B3GLCT: variants seen among roughly 807,000 people sequenced by gnomAD.
B3GLCT encodes beta 3-glucosyltransferase.
Under a neutral mutation model 63.4 loss-of-function variants are expected in B3GLCT, and 65 were observed. The observed-to-expected ratio is 1.03, with a 90% confidence interval of 0.84 to 1.26. The LOEUF is 1.26. B3GLCT is among the 50% of genes most tolerant of loss of function. The pLI, the probability that B3GLCT is intolerant of heterozygous loss-of-function variation, is 0.00. For missense variants in B3GLCT, 577 were observed against 604.8 expected, an observed-to-expected ratio of 0.95 and a Z score of 0.48; for synonymous variants, 233 against 219.2, an observed-to-expected ratio of 1.06 and a Z score of -0.55.
chr13:31,237,878 G>A (rs188482677), intron 4 of B3GLCT, among the ~76,000 whole-genome samples: 5 of 152,246 alleles, frequency 3.3e-5, no homozygotes, highest in Non-Finnish European at 7.4e-5. Context: ...ATGTCACCTG[G>A]GACCCCAACT....
chr13:31,231,380 C>G (rs770942694), intron 4 of B3GLCT, among the ~76,000 whole-genome samples: 1 of 152,164 alleles, frequency 6.6e-6, no homozygotes, highest in African/African-American at 2.4e-5. Context: ...TGCATGTGCC[C>G]CTGCTCCCAG....
intron 8 of B3GLCT, among the ~76,000 whole-genome samples, chr13:31,272,371 T>C (rs549496428): frequency 1.3e-5 from 2 of 152,064 alleles, no homozygotes; most frequent in Non-Finnish European, 2.9e-5. Context: ...CCCGCCACCA[T>C]GCCCGGCTAA....
intron 9 of B3GLCT, 123 bp from the exon 10 acceptor site, chr13:31,276,579 C>T (rs576822241): frequency 2.4e-5 from 17 of 718,872 alleles, no homozygotes; most frequent in East Asian, 1.9e-4. Flanking sequence ...AACTTTATGC[C>T]GGAAATATGT....
chr13:31,207,375 C>T (rs1367936411), intron 1 of B3GLCT, among the ~76,000 whole-genome samples: 5 of 151,814 alleles, frequency 3.3e-5, no homozygotes, highest in Non-Finnish European at 7.4e-5. Context: ...CTGACCCTTC[C>T]TATGACTTAG....
Position 31,276,691 on chromosome 13 carries a change from C to CT in B3GLCT, c.781-3dup, listed in dbSNP as rs769064477. 3.8e-5 allele frequency: 60 copies of CT among 1,591,350 alleles called. No individual in the cohort carries two copies. Among genetic ancestry groups the CT allele is most frequent in the Non-Finnish European group, 4.7e-5 (54 of 1,160,934 alleles). On this transcript the variant is annotated splice_polypyrimidine_tract_variant and intron_variant, in intron 9 of 14. Transcript: ENST00000343307. Reference sequence around the variant, plus strand: ...CACATATGCATACATTTTTTCTTTTCTTTTTTTTAGAGAAAGCCAGTGAAG... The same window carrying CT: ...CACATATGCATACATTTTTTCTTTTCTTTTTTTTTAGAGAAAGCCAGTGAAG...
chr13:31,259,499 C>T (rs925130724), intron 6 of B3GLCT, among the ~76,000 whole-genome samples: 1 of 151,822 alleles, frequency 6.6e-6, no homozygotes, highest in African/African-American at 2.4e-5. Context: ...AAAGGCTTTG[C>T]TCAGCTTTTT....
At chr13:31,207,602 T>C (rs896556188) in intron 1 of B3GLCT, among the ~76,000 whole-genome samples, 6 of 152,204 alleles carry the variant, frequency 3.9e-5, no homozygotes, top group Admixed American at 3.9e-4. Flanking sequence ...ATATATTTAC[T>C]CTCTGGCCCA....
chr13:31,286,554 A>G (rs898720164), intron 11 of B3GLCT, among the ~76,000 whole-genome samples, 166 bp from the exon 12 acceptor site: 5 of 151,832 alleles, frequency 3.3e-5, no homozygotes, highest in South Asian at 2.1e-4. Flanking sequence ...CACTGGTTCA[A>G]TGTGTCTGTG....
At position 31,329,517 on chromosome 13, in the gene B3GLCT, A is replaced by T; in HGVS notation, c.1346A>T (p.Tyr449Phe). ...TTCCTGCAGGCTCGGCCGGTGGATTACCCTAAGGACTACCTTTCTCATCAA... is the reference window on the plus strand; with the variant it reads ...TTCCTGCAGGCTCGGCCGGTGGATTTCCCTAAGGACTACCTTTCTCATCAA... ...PLFHQARPVD[Y>F]PKDYLSHQVP... The change falls in exon 15 of 15, where the codon TAC becomes TTC. Residue 449 changes from tyrosine to phenylalanine, a missense_variant. Tyr to Phe is a conservative substitution (Grantham distance 22). Coordinates refer to ENST00000343307, the MANE Select transcript of B3GLCT (RefSeq NM_194318.4). The T allele has an allele frequency of 6.2e-7, 1 of 1,614,202 alleles. No individual in the cohort carries two copies. The highest frequency in any genetic ancestry group is 8.5e-7 in the Non-Finnish European group (1 of 1,180,040).
intron 3 of B3GLCT, among the ~76,000 whole-genome samples, chr13:31,225,005 T>C (rs901509549): frequency 1.3e-5 from 2 of 152,220 alleles, no homozygotes; most frequent in Admixed American, 1.3e-4. Context: ...ATCCATTTTC[T>C]AACTATCTCT....
intron 1 of B3GLCT, among the ~76,000 whole-genome samples, chr13:31,201,180 A>G (rs1279039557): frequency 6.6e-6 from 1 of 152,170 alleles, no homozygotes; most frequent in African/African-American, 2.4e-5. Context: ...TAGTAATGGC[A>G]GAATGGTGCA....
At chr13:31,299,492 T>C (rs551404465) in intron 12 of B3GLCT, among the ~76,000 whole-genome samples, 166 of 152,300 alleles carry the variant, frequency 1.1e-3, no homozygotes, top group African/African-American at 3.9e-3. Context: ...TGTAGCCCCA[T>C]AGGGCCACTA....
intron 9 of B3GLCT, among the ~76,000 whole-genome samples, chr13:31,276,460 A>C (rs1001133008): frequency 1.3e-5 from 2 of 152,200 alleles, no homozygotes; most frequent in African/African-American, 4.8e-5. Flanking sequence ...AAATTCTGGA[A>C]ACTTGTTAAG....
At chr13:31,230,655 A>G (rs1161587549) in intron 4 of B3GLCT, among the ~76,000 whole-genome samples, 1 of 152,240 alleles carries the variant, frequency 6.6e-6, no homozygotes, top group Non-Finnish European at 1.5e-5. Context: ...AGAGGAAAGT[A>G]ACACATGCTA....
intron 14 of B3GLCT, among the ~76,000 whole-genome samples, chr13:31,328,121 G>C (rs778057625): frequency 6.6e-6 from 1 of 152,160 alleles, no homozygotes; most frequent in Non-Finnish European, 1.5e-5. Flanking sequence ...TTTTCTCAGC[G>C]GTAAATTGGA....
intron 12 of B3GLCT, among the ~76,000 whole-genome samples, chr13:31,308,347 T>TTA (rs1450252463): frequency 3.0e-4 from 7 of 23,676 alleles, no homozygotes; most frequent in East Asian, 1.5e-3. Flanking sequence ...AAAAAAAAAT[T>TTA]AAAAAAAAAA....
intron 12 of B3GLCT, among the ~76,000 whole-genome samples, chr13:31,296,372 G>GGGC (rs1873944001): frequency 6.6e-6 from 1 of 152,194 alleles, no homozygotes; most frequent in African/African-American, 2.4e-5. Flanking sequence ...GTTCTAGTGA[G>GGGC]GGCTCTCTTG....
chr13:31,240,200 G>C (rs1231757218), intron 4 of B3GLCT, among the ~76,000 whole-genome samples: 1 of 152,146 alleles, frequency 6.6e-6, no homozygotes, highest in East Asian at 1.9e-4. Context: ...GAGGTCGGCG[G>C]GTCAGAGGTT....
In B3GLCT at chr13:31,200,083, G is replaced by C. The variant is rs1479856338; in HGVS notation, c.-2G>C. 7.3e-7 allele frequency: 1 copy of C among 1,370,688 alleles called. No individual in the cohort carries two copies. Among genetic ancestry groups the C allele is most frequent in the Non-Finnish European group, 9.5e-7 (1 of 1,051,706 alleles). 84.9% of individuals were successfully genotyped at this position (1,370,688 alleles called of 1,614,324 possible). On this transcript the variant is annotated 5_prime_UTR_variant, in exon 1 of 15. Coordinates refer to ENST00000343307, the MANE Select transcript of B3GLCT (RefSeq NM_194318.4). Reference sequence around the variant, plus strand: ...GTAGGGCGCTCAGCCTCCGCCGCCAGGATGCGGCCGCCCGCCTGCTGGTGG... The same window carrying C: ...GTAGGGCGCTCAGCCTCCGCCGCCACGATGCGGCCGCCCGCCTGCTGGTGG...
Sources: gnomAD v4.1 joint callset for allele counts (sites outside exome capture counted in the v4.1 genomes callset) on GRCh38, gnomAD v4.1.1 for gene constraint, MANE v1.5 for transcripts, NCBI Gene and HGNC (gene_info 2026-07-23, HGNC 2026-07-21) for gene names.